Variants in OPCML observed in about 807,000 individuals in gnomAD.
OPCML encodes the protein opioid-binding protein/cell adhesion molecule.
Under a neutral mutation model 37.8 loss-of-function variants are expected in OPCML, and 13 were observed. That is an observed-to-expected ratio of 0.34 (90% CI 0.22 to 0.55). The LOEUF is 0.55. OPCML is among the 20% of genes least tolerant of loss of function. OPCML has a pLI of 0.91. For synonymous variants in OPCML, 176 were observed against 168.8 expected, an observed-to-expected ratio of 1.04 and a Z score of -0.33; for missense variants, 341 against 435.6, an observed-to-expected ratio of 0.78 and a Z score of 1.93.
At chr11:132,449,151 C>T (rs1007107828) in intron 4 of OPCML, among the ~76,000 whole-genome samples, 6 of 152,150 alleles carry the variant, frequency 3.9e-5, no homozygotes, top group Admixed American at 2.6e-4. Context: ...AATAGAGACA[C>T]CATGACAATT....
At chr11:132,618,047 G>A (rs1289272909) in intron 3 of OPCML, among the ~76,000 whole-genome samples, 1 of 152,152 alleles carries the variant, frequency 6.6e-6, no homozygotes, top group Non-Finnish European at 1.5e-5. Context: ...CTATATTCCA[G>A]TTGTTGGGGA....
chr11:132,628,794 G>A (rs763696212), intron 3 of OPCML, among the ~76,000 whole-genome samples: 10 of 152,114 alleles, frequency 6.6e-5, no homozygotes, highest in Non-Finnish European at 1.3e-4. Context: ...TCTCATGATA[G>A]TGAGTGACTT....
chr11:132,532,025 G>A lies in OPCML; in HGVS notation c.380-2839C>T, dbSNP rs1227804654. Among the ~76,000 whole-genome samples, 3 of 152,148 alleles carry A rather than the reference G, an allele frequency of 2.0e-5. No individual in the cohort carries two copies. In the East Asian group the frequency reaches 5.8e-4, roughly 29 times the overall value. ...GAGACAGCTATGGTGCCTCAGGATAGAACTCAGCACAGCCACCAACTCAGA... is the reference window on the plus strand; with the variant it reads ...GAGACAGCTATGGTGCCTCAGGATAAAACTCAGCACAGCCACCAACTCAGA... On this transcript the variant is annotated intron_variant, in intron 3 of 7. Transcript: ENST00000524381.
intron 4 of OPCML, 78 bp from the exon 5 acceptor site, chr11:132,437,437 T>C (rs1368408480): frequency 1.3e-6 from 2 of 1,559,466 alleles, no homozygotes; most frequent in East Asian, 2.3e-5. Context: ...ATCTAGAGAT[T>C]GTAGGAGGAG....
intron 1 of OPCML, among the ~76,000 whole-genome samples, chr11:133,178,893 A>G (rs1026892676): frequency 2.0e-5 from 3 of 152,222 alleles, no homozygotes; most frequent in East Asian, 1.9e-4. Flanking sequence ...GATGTTTCAA[A>G]GAAAAATTCT....
intron 1 of OPCML, among the ~76,000 whole-genome samples, chr11:133,112,017 T>C (rs1209459733): frequency 6.6e-6 from 1 of 152,114 alleles, no homozygotes; most frequent in Non-Finnish European, 1.5e-5. Flanking sequence ...ATGGGGGAAA[T>C]TGTCCTGTAC....
At chr11:132,439,287 C>G (rs1005885821) in intron 4 of OPCML, among the ~76,000 whole-genome samples, 1 of 152,206 alleles carries the variant, frequency 6.6e-6, no homozygotes, top group African/African-American at 2.4e-5. Flanking sequence ...AGCCTAGGAT[C>G]TGAGCGTCTC....
At chr11:132,511,809 A>C (rs1043037697) in intron 4 of OPCML, among the ~76,000 whole-genome samples, 1 of 144,030 alleles carries the variant, frequency 6.9e-6, no homozygotes, top group African/African-American at 2.5e-5. Context: ...TAGAAAAAAA[A>C]CATAGAATAT....
intron 1 of OPCML, among the ~76,000 whole-genome samples, chr11:133,113,920 G>C (rs1245823517): frequency 1.3e-5 from 2 of 152,176 alleles, no homozygotes; most frequent in East Asian, 3.9e-4. Flanking sequence ...TCTTAGAAAA[G>C]CAGTGCAAGC....
At chr11:133,361,632 G>A (rs904315027) in intron 1 of OPCML, 1 of 162,988 alleles carries the variant, frequency 6.1e-6, no homozygotes, top group Non-Finnish European at 1.3e-5. Context: ...CAGCTATTCC[G>A]GGGCACCTGC....
At chr11:133,139,415 G>A (rs144370028) in intron 1 of OPCML, among the ~76,000 whole-genome samples, 3 of 152,248 alleles carry the variant, frequency 2.0e-5, no homozygotes, top group African/African-American at 4.8e-5. Context: ...TGAAAAAACC[G>A]AGACTCAGAG....
At chr11:132,545,045 T>C (rs2137394107) in intron 3 of OPCML, among the ~76,000 whole-genome samples, 1 of 152,342 alleles carries the variant, frequency 6.6e-6, no homozygotes, top group Middle Eastern at 3.4e-3. Context: ...AATTGTTTCA[T>C]TAAACATTGT....
At chr11:133,092,689 G>A (rs186771401) in intron 1 of OPCML, among the ~76,000 whole-genome samples, 1 of 152,214 alleles carries the variant, frequency 6.6e-6, no homozygotes. Flanking sequence ...TCACCCCACT[G>A]CACTCCAGCC....
At chr11:133,171,941 T>C (rs1395975895) in intron 1 of OPCML, among the ~76,000 whole-genome samples, 1 of 152,164 alleles carries the variant, frequency 6.6e-6, no homozygotes, top group Non-Finnish European at 1.5e-5. Flanking sequence ...ATTGGAAAAT[T>C]CATGGAATTG....
chr11:133,423,556 C>T (rs1452709982), intron 1 of OPCML: 1 of 893,014 alleles, frequency 1.1e-6, no homozygotes, highest in East Asian at 1.2e-4. Context: ...GAATTTAATT[C>T]CTTGGAAAAG....
chr11:133,369,554 A>G (rs747211708), intron 1 of OPCML, among the ~76,000 whole-genome samples: 2 of 152,208 alleles, frequency 1.3e-5, no homozygotes, highest in Non-Finnish European at 2.9e-5. Context: ...AACTACACAC[A>G]TTGTATTTCA....
chr11:133,041,833 C>T (rs918602519), intron 1 of OPCML, among the ~76,000 whole-genome samples: 5 of 152,268 alleles, frequency 3.3e-5, no homozygotes, highest in South Asian at 4.1e-4. Context: ...TCTTCGGGCC[C>T]CTCCAGTCCC....
At chr11:133,214,170 T>C (rs1021001805) in intron 1 of OPCML, among the ~76,000 whole-genome samples, 130 of 152,126 alleles carry the variant, frequency 8.5e-4, no homozygotes, top group African/African-American at 3.1e-3. Context: ...ATAATAAGAT[T>C]AAAAAAATCC....
chr11:133,530,638 C>T (rs1948586389), intron 1 of OPCML, among the ~76,000 whole-genome samples: 1 of 152,170 alleles, frequency 6.6e-6, no homozygotes, highest in South Asian at 2.1e-4. Context: ...AGGCTGGACC[C>T]CCTAGGATGC....
Sources: gnomAD v4.1 joint callset for allele counts (sites outside exome capture counted in the v4.1 genomes callset) on GRCh38, gnomAD v4.1.1 for gene constraint, MANE v1.5 for transcripts, NCBI Gene and HGNC (gene_info 2026-07-23, HGNC 2026-07-21) for gene names.